Variants in TUSC3 observed in about 807,000 individuals in gnomAD.
TUSC3 encodes the protein dolichyl-diphosphooligosaccharide--protein glycosyltransferase subunit TUSC3.
A neutral mutation model predicts 44.8 loss-of-function variants in TUSC3; 45 were observed. The observed-to-expected ratio is 1.00, with a 90% CI of 0.79 to 1.29. The LOEUF is 1.29. TUSC3 is among the 50% of genes most tolerant of loss of function. The probability of loss-of-function intolerance (pLI) is 0.00; values close to 1 mark genes in which losing one functional copy is unlikely to be tolerated. For synonymous variants in TUSC3, 212 were observed against 152.9 expected, an observed-to-expected ratio of 1.39 and a Z score of -2.85; for missense variants, 519 against 437.9, an observed-to-expected ratio of 1.19 and a Z score of -1.65.
At chr8:15,660,240 C>G (rs1461791326) in intron 4 of TUSC3, among the ~76,000 whole-genome samples, 2 of 151,502 alleles carry the variant, frequency 1.3e-5, no homozygotes, top group Non-Finnish European at 2.9e-5. Flanking sequence ...AATCAAATGT[C>G]TAAAAATAAG....
chr8:15,691,947 A>C (rs1162083418), intron 6 of TUSC3, among the ~76,000 whole-genome samples: 1 of 151,888 alleles, frequency 6.6e-6, no homozygotes, highest in South Asian at 2.1e-4. Context: ...TGCCTGGCTA[A>C]TTTTTGTATT....
chr8:15,562,005 T>A (rs62504194), intron 1 of TUSC3, among the ~76,000 whole-genome samples: 3 of 152,228 alleles, frequency 2.0e-5, no homozygotes, highest in Middle Eastern at 3.4e-3. Flanking sequence ...GAGCTGTTCC[T>A]ATTCGGCCAT....
At chr8:15,679,531 T>G (rs1255760640) in intron 6 of TUSC3, among the ~76,000 whole-genome samples, 5 of 152,188 alleles carry the variant, frequency 3.3e-5, no homozygotes, top group Admixed American at 1.3e-4. Context: ...TATTTTCTCC[T>G]GTTGTGTAGG....
At chr8:15,543,918 G>C (rs1338537276) in intron 1 of TUSC3, among the ~76,000 whole-genome samples, 1 of 151,674 alleles carries the variant, frequency 6.6e-6, no homozygotes, top group Non-Finnish European at 1.5e-5. Context: ...ATTTGTGTGT[G>C]TGTGTGTGTG....
chr8:15,602,803 A>T (rs1242957754), intron 1 of TUSC3, among the ~76,000 whole-genome samples: 2 of 151,616 alleles, frequency 1.3e-5, no homozygotes, highest in African/African-American at 2.4e-5. Flanking sequence ...TTTTATTATC[A>T]CATGTTATTA....
chr8:15,771,504 T>A (rs1418254456), downstream of TUSC3, among the ~76,000 whole-genome samples: 1 of 152,146 alleles, frequency 6.6e-6, no homozygotes, highest in African/African-American at 2.4e-5. Flanking sequence ...AAGGCATTAT[T>A]TTTGGTTTGT....
intron 8 of TUSC3, among the ~76,000 whole-genome samples, chr8:15,748,088 A>G (rs902274273): frequency 1.3e-5 from 2 of 152,088 alleles, no homozygotes; most frequent in Non-Finnish European, 2.9e-5. Context: ...GAACTCTATA[A>G]AAGAAGAAAA....
In TUSC3 at chr8:15,659,628, C is replaced by T. The variant is rs1223080940; in HGVS notation, c.548C>T (p.Ala183Val). Residue 183 changes from alanine (A) to valine (V), a missense_variant, in exon 4 of 11, where the codon GCT becomes GTT. By Grantham distance (64) the Ala-to-Val change is moderately conservative. Transcript: ENST00000503731. ...FAAEQLAKWI[A>V]DRTDVHIRVF... ...GCTGAGCAACTAGCAAAGTGGATTG[C>T]TGACAGAACGGATGTTCATGTATGT... The T allele has an allele frequency of 6.2e-7, 1 of 1,612,932 alleles. No homozygotes were observed. Among genetic ancestry groups the T allele is most frequent in the Non-Finnish European group, 8.5e-7 (1 of 1,179,612 alleles).
intron 1 of TUSC3, among the ~76,000 whole-genome samples, chr8:15,441,070 A>C (rs1585790373): frequency 1.3e-5 from 2 of 152,216 alleles, no homozygotes. Flanking sequence ...TTCATTTGCA[A>C]CTAAAACTGC....
At chr8:15,679,602 G>A (rs1315954357) in intron 6 of TUSC3, among the ~76,000 whole-genome samples, 1 of 151,962 alleles carries the variant, frequency 6.6e-6, no homozygotes, top group East Asian at 1.9e-4. Context: ...GTATAATTAG[G>A]TTCCACTTGT....
At chr8:15,573,990 T>C (rs1585115461) in intron 1 of TUSC3, among the ~76,000 whole-genome samples, 1 of 152,304 alleles carries the variant, frequency 6.6e-6, no homozygotes, top group East Asian at 1.9e-4. Context: ...TAGGTAATTT[T>C]AGGCACTTCC....
the TUSC3 span, among the ~76,000 whole-genome samples, chr8:15,785,412 A>T: frequency 1.3e-5 from 2 of 151,474 alleles, no homozygotes; most frequent in African/African-American, 4.8e-5. Flanking sequence ...AAGCATTATC[A>T]TATTAAAAGT....
downstream of TUSC3, among the ~76,000 whole-genome samples, chr8:15,770,883 G>A (rs1415409753): frequency 6.6e-6 from 1 of 151,958 alleles, no homozygotes; most frequent in Non-Finnish European, 1.5e-5. Flanking sequence ...TACCAAATCT[G>A]AAAAAAGACA....
intron 1 of TUSC3, among the ~76,000 whole-genome samples, chr8:15,556,405 G>T (rs1003456304): frequency 6.6e-6 from 1 of 151,170 alleles, no homozygotes; most frequent in Non-Finnish European, 1.5e-5. Flanking sequence ...GTCTATCATT[G>T]TTGGACATTT....
chr8:15,757,238 C>G (rs1057097682), intron 9 of TUSC3, among the ~76,000 whole-genome samples: 1 of 152,256 alleles, frequency 6.6e-6, no homozygotes, highest in East Asian at 1.9e-4. Context: ...ACAGTGGACA[C>G]AGAAAGTGGC....
chr8:15,657,697 T>A (rs1807234736), intron 3 of TUSC3, among the ~76,000 whole-genome samples: 1 of 152,178 alleles, frequency 6.6e-6, no homozygotes, highest in South Asian at 2.1e-4. Context: ...CCAGATTCTT[T>A]CAGTCTCTAC....
chr8:15,843,621 T>TATATATATATACACACACAC, the TUSC3 span, among the ~76,000 whole-genome samples: 17 of 146,766 alleles, frequency 1.2e-4, no homozygotes, highest in African/African-American at 4.0e-4. Flanking sequence ...TATATATATA[T>TATATATATATACACACACAC]ACACGCACAT....
intron 1 of TUSC3, among the ~76,000 whole-genome samples, chr8:15,464,491 G>A (rs1225613134): frequency 1.3e-5 from 2 of 152,106 alleles, no homozygotes; most frequent in Admixed American, 6.5e-5. Flanking sequence ...TTGCTTTCAT[G>A]ATGCTTTCTA....
intron 6 of TUSC3, among the ~76,000 whole-genome samples, chr8:15,689,863 T>TGTGTGTGTGTGTGTGTGTGTAA (rs1554475557): frequency 6.8e-5 from 1 of 14,784 alleles, no homozygotes; most frequent in African/African-American, 1.1e-4. Flanking sequence ...TGTGTGTGTG[T>TGTGTGTGTGTGTGTGTGTGTAA]ATAAATATAT....
Sources: gnomAD v4.1 joint callset for allele counts (sites outside exome capture counted in the v4.1 genomes callset) on GRCh38, gnomAD v4.1.1 for gene constraint, MANE v1.5 for transcripts, NCBI Gene and HGNC (gene_info 2026-07-23, HGNC 2026-07-21) for gene names.